The following C13orf42 variants were observed in gnomAD, a reference collection of about 807,000 sequenced individuals.
C13orf42 encodes the protein chromosome 13 open reading frame 42.
chr13:51,159,003 T>TG (rs1236820504), intron 1 of C13orf42, among the ~76,000 whole-genome samples: 1 of 152,238 alleles, frequency 6.6e-6, no homozygotes, highest in Non-Finnish European at 1.5e-5. Flanking sequence ...GTCAATATGC[T>TG]GATAAGCTGG....
chr13:51,095,151 G>A (rs1953218551), intron 1 of C13orf42, among the ~76,000 whole-genome samples: 1 of 152,184 alleles, frequency 6.6e-6, no homozygotes, highest in Non-Finnish European at 1.5e-5. Flanking sequence ...TTAGCAGTGT[G>A]AGAACAGACT....
intron 1 of C13orf42, among the ~76,000 whole-genome samples, chr13:51,163,808 G>C (rs771695531): frequency 6.6e-6 from 1 of 152,142 alleles, no homozygotes; most frequent in East Asian, 1.9e-4. Flanking sequence ...AGATGTGTCT[G>C]CCATACAAAG....
At chr13:51,097,037 C>A (rs1953241358) in intron 1 of C13orf42, among the ~76,000 whole-genome samples, 1 of 152,176 alleles carries the variant, frequency 6.6e-6, no homozygotes, top group Admixed American at 6.5e-5. Flanking sequence ...ACCATGTACA[C>A]CTGTGAGTAC....
At chr13:51,112,586 G>A (rs999878586), upstream of C13orf42, among the ~76,000 whole-genome samples, 1 of 152,146 alleles carries the variant, frequency 6.6e-6, no homozygotes, top group Non-Finnish European at 1.5e-5. Flanking sequence ...CTCACATGTG[G>A]AGCATTTCAG....
chr13:51,131,689 A>G (rs1953618005), intron 1 of C13orf42, among the ~76,000 whole-genome samples: 1 of 152,232 alleles, frequency 6.6e-6, no homozygotes, highest in South Asian at 2.1e-4. Context: ...AAAAGAGCTT[A>G]TGTGAAAAAT....
chr13:51,153,936 C>A (rs1006619575), intron 1 of C13orf42, among the ~76,000 whole-genome samples: 3 of 151,980 alleles, frequency 2.0e-5, no homozygotes, highest in Non-Finnish European at 4.4e-5. Context: ...CCTGACCCAA[C>A]CCATCTTCAA....
chr13:51,130,187 A>T (rs772415987), intron 1 of C13orf42, among the ~76,000 whole-genome samples: 1 of 152,230 alleles, frequency 6.6e-6, no homozygotes, highest in Non-Finnish European at 1.5e-5. Context: ...AGCCTTAAAG[A>T]TTATTGGTAA....
At chr13:51,111,734 C>T (rs1230778774), upstream of C13orf42, among the ~76,000 whole-genome samples, 1 of 152,284 alleles carries the variant, frequency 6.6e-6, no homozygotes, top group East Asian at 1.9e-4. Context: ...ACAGCCCTTA[C>T]CCAAAAATCA....
chr13:51,109,612 C>T (rs1379449518), intron 1 of C13orf42, among the ~76,000 whole-genome samples: 6 of 151,976 alleles, frequency 3.9e-5, no homozygotes, highest in East Asian at 1.9e-4. Flanking sequence ...TAATTAGCCG[C>T]GTGTGGTGGC....
upstream of C13orf42, among the ~76,000 whole-genome samples, chr13:51,115,916 G>A (rs1450608442): frequency 6.6e-6 from 1 of 152,138 alleles, no homozygotes; most frequent in Admixed American, 6.5e-5. Context: ...GCAAGGTCCT[G>A]TGCTTTAGAT....
At chr13:51,153,446 G>C (rs1953796609) in intron 1 of C13orf42, among the ~76,000 whole-genome samples, 1 of 137,694 alleles carries the variant, frequency 7.3e-6, no homozygotes, top group East Asian at 1.9e-4. Flanking sequence ...AAACATGACA[G>C]AGAGAGAGAG....
chr13:51,145,314 T>C (rs906695590), intron 1 of C13orf42, among the ~76,000 whole-genome samples: 2 of 150,960 alleles, frequency 1.3e-5, no homozygotes, highest in Non-Finnish European at 1.5e-5. Flanking sequence ...CAGAGTAATG[T>C]GGTCTATATC....
intron 1 of C13orf42, among the ~76,000 whole-genome samples, chr13:51,099,731 C>T (rs1299184721): frequency 6.6e-6 from 1 of 152,128 alleles, no homozygotes; most frequent in East Asian, 1.9e-4. Context: ...AACTCCTGGC[C>T]TCAAGCAATC....
chr13:51,161,222 T>C (rs1953862021), intron 1 of C13orf42, among the ~76,000 whole-genome samples: 1 of 151,412 alleles, frequency 6.6e-6, no homozygotes, highest in Non-Finnish European at 1.5e-5. Flanking sequence ...ATAATTTTAT[T>C]GTTAAGTATA....
chr13:51,133,584 C>T (rs1267129463), intron 1 of C13orf42, among the ~76,000 whole-genome samples: 1 of 151,926 alleles, frequency 6.6e-6, no homozygotes, highest in African/African-American at 2.4e-5. Flanking sequence ...TTAAAGTTGG[C>T]AATTTCAGAA....
At chr13:51,165,414 A>G (rs1953895877) in intron 1 of C13orf42, among the ~76,000 whole-genome samples, 1 of 152,172 alleles carries the variant, frequency 6.6e-6, no homozygotes, top group African/African-American at 2.4e-5. Flanking sequence ...ACTCTCCTCA[A>G]ATTACCCAGG....
rs748342137 is a variant in C13orf42, at chr13:51,158,011, C to CA, written n.136+14241dup. 2.3e-3 allele frequency among the ~76,000 whole-genome samples: 353 copies of CA among 152,260 alleles called. 1 individual carries two copies. Among genetic ancestry groups the CA allele is most frequent in the Non-Finnish European group, 3.5e-3 (238 of 68,004 alleles). ...ATAACGTTTTTAAAAAACAAACAAA[C>CA]AACAACAAAAAACCAGGCTTTGCCA... On this transcript the variant is annotated intron_variant and non_coding_transcript_variant, in intron 1 of 4. Coordinates refer to the C13orf42 transcript ENST00000433280.
At chr13:51,131,017 C>T (rs865896885) in intron 1 of C13orf42, among the ~76,000 whole-genome samples, 8 of 152,062 alleles carry the variant, frequency 5.3e-5, no homozygotes, top group Non-Finnish European at 1.0e-4. Context: ...ATTCCATGTG[C>T]CAACATATTA....
chr13:51,137,815 T>G (rs1217935400), intron 1 of C13orf42, among the ~76,000 whole-genome samples: 6 of 152,220 alleles, frequency 3.9e-5, no homozygotes, highest in African/African-American at 1.4e-4. Context: ...GGATTTTTCA[T>G]CTTGATTTCA....
Sources: allele counts gnomAD v4.1 joint callset (sites outside exome capture counted in the v4.1 genomes callset), GRCh38; gene constraint gnomAD v4.1.1; transcripts MANE v1.5; gene names NCBI Gene and HGNC (gene_info 2026-07-23, HGNC 2026-07-21).